CNTN5: variants seen among roughly 807,000 people sequenced by gnomAD.
The protein encoded by CNTN5 is contactin 5.
In CNTN5, 77 loss-of-function variants were observed where a neutral mutation model predicts 129.1. The ratio of observed to expected loss-of-function variants is 0.60; its 90% CI spans 0.50 to 0.72. The LOEUF (loss-of-function observed/expected upper bound fraction) is 0.72, where lower values mean the gene tolerates loss of function less well. Ranked by LOEUF, CNTN5 falls within the 30% of genes least tolerant of loss-of-function variation. CNTN5 has a pLI of 0.00. For synonymous variants in CNTN5, 509 were observed against 465.6 expected (o/e 1.09, Z -1.20); for missense variants, 1,478 against 1,328.8 (o/e 1.11, Z -1.75).
At chr11:99,784,775 G>A (rs909192935) in intron 3 of CNTN5, among the ~76,000 whole-genome samples, 3 of 146,442 alleles carry the variant, frequency 2.0e-5, no homozygotes, top group African/African-American at 7.5e-5. Flanking sequence ...TCTAACTGGT[G>A]TGAGATGGTA....
In CNTN5 at chr11:99,124,929, T is replaced by C. The variant is rs115337252; in HGVS notation, c.-210+103659T>C. ...AACTGAACCAGAAAGCAATCGAATGTCTTAACCAACCAGTAATGAGTTCCA... is the reference window on the plus strand; with the variant it reads ...AACTGAACCAGAAAGCAATCGAATGCCTTAACCAACCAGTAATGAGTTCCA... On this transcript the variant is annotated intron_variant, in intron 1 of 24. Coordinates refer to ENST00000524871, the MANE Select transcript of CNTN5 (RefSeq NM_014361.4). Among the ~76,000 whole-genome samples the C allele has an allele frequency of 8.5e-3, 1,287 of 152,076 alleles. 22 individuals carry two copies. Among genetic ancestry groups the C allele is most frequent in the African/African-American group, 0.029 (1,195 of 41,520 alleles).
At chr11:99,425,342 C>A (rs1359691674) in intron 2 of CNTN5, among the ~76,000 whole-genome samples, 1 of 152,214 alleles carries the variant, frequency 6.6e-6, no homozygotes, top group Non-Finnish European at 1.5e-5. Context: ...TCACTGAGGA[C>A]CCTCCGCTTT....
chr11:99,103,870 A>G (rs1366454837), intron 1 of CNTN5, among the ~76,000 whole-genome samples: 1 of 152,150 alleles, frequency 6.6e-6, no homozygotes, highest in Non-Finnish European at 1.5e-5. Flanking sequence ...CAAAAAATGC[A>G]TGAAGCCACC....
intron 17 of CNTN5, among the ~76,000 whole-genome samples, chr11:100,258,254 A>C (rs912998072): frequency 6.6e-6 from 1 of 152,192 alleles, no homozygotes; most frequent in East Asian, 1.9e-4. Flanking sequence ...AATGAAAAGG[A>C]ACAAACAAAG....
At chr11:99,175,510 T>C (rs1230546782) in intron 1 of CNTN5, among the ~76,000 whole-genome samples, 2 of 152,116 alleles carry the variant, frequency 1.3e-5, no homozygotes, top group Non-Finnish European at 2.9e-5. Flanking sequence ...TAGTTTTGTT[T>C]GATTAAAAAT....
chr11:99,402,891 A>T (rs556206136), intron 2 of CNTN5, among the ~76,000 whole-genome samples: 1 of 152,044 alleles, frequency 6.6e-6, no homozygotes, highest in South Asian at 2.1e-4. Flanking sequence ...GATCCTTTGA[A>T]TTCCTGTGGT....
chr11:99,745,701 G>A (rs768054551), intron 3 of CNTN5, among the ~76,000 whole-genome samples: 4 of 150,450 alleles, frequency 2.7e-5, no homozygotes, highest in Non-Finnish European at 5.9e-5. Context: ...GCCAACCTTA[G>A]TTAAGCCTTG....
At chr11:99,966,175 T>C (rs1038874754) in intron 8 of CNTN5, among the ~76,000 whole-genome samples, 3 of 152,146 alleles carry the variant, frequency 2.0e-5, no homozygotes, top group African/African-American at 7.2e-5. Flanking sequence ...TCTGAAAAAA[T>C]GTAGACCTTT....
chr11:99,287,639 T>A (rs1863993792), intron 1 of CNTN5, among the ~76,000 whole-genome samples: 1 of 152,076 alleles, frequency 6.6e-6, no homozygotes, highest in East Asian at 1.9e-4. Flanking sequence ...TATGAGGAAT[T>A]TAGTAGTTGA....
intron 3 of CNTN5, among the ~76,000 whole-genome samples, chr11:99,771,056 CTT>C (rs778204508): frequency 6.6e-6 from 1 of 152,026 alleles, no homozygotes; most frequent in Non-Finnish European, 1.5e-5. Context: ...AGGATAAACT[CTT>C]TAGTAAATGG....
At chr11:99,568,033 C>A (rs1454662695) in intron 3 of CNTN5, among the ~76,000 whole-genome samples, 1 of 152,228 alleles carries the variant, frequency 6.6e-6, no homozygotes, top group South Asian at 2.1e-4. Flanking sequence ...AAATTTGTGT[C>A]TCAGTGTATT....
At chr11:99,711,106 C>T (rs1339063295) in intron 3 of CNTN5, among the ~76,000 whole-genome samples, 3 of 151,830 alleles carry the variant, frequency 2.0e-5, no homozygotes, top group Non-Finnish European at 4.4e-5. Flanking sequence ...CCGACAGAAT[C>T]GTTTCAAAAC....
At chr11:99,186,509 A>G (rs1858359225) in intron 1 of CNTN5, among the ~76,000 whole-genome samples, 3 of 152,158 alleles carry the variant, frequency 2.0e-5, no homozygotes, top group Middle Eastern at 6.8e-3. Flanking sequence ...TGCCTGCAGC[A>G]TCTAGATTTC....
intron 8 of CNTN5, among the ~76,000 whole-genome samples, chr11:99,967,035 C>T (rs1240419498): frequency 2.6e-5 from 4 of 152,084 alleles, no homozygotes; most frequent in Non-Finnish European, 5.9e-5. Context: ...TAAGAGAATG[C>T]TTCCTGGAAG....
At chr11:99,294,100 A>C (rs1022572911) in intron 1 of CNTN5, among the ~76,000 whole-genome samples, 1 of 151,986 alleles carries the variant, frequency 6.6e-6, no homozygotes, top group African/African-American at 2.4e-5. Flanking sequence ...AGATTTGGGA[A>C]TGTTGTGTTT....
intron 2 of CNTN5, among the ~76,000 whole-genome samples, chr11:99,425,739 T>C (rs776316368): frequency 1.3e-5 from 2 of 152,218 alleles, no homozygotes; most frequent in Non-Finnish European, 2.9e-5. Flanking sequence ...TCTGCAGCCA[T>C]GGCTGGGTGG....
chr11:99,166,958 G>A (rs1274294115), intron 1 of CNTN5, among the ~76,000 whole-genome samples: 1 of 152,000 alleles, frequency 6.6e-6, no homozygotes, highest in Admixed American at 6.6e-5. Context: ...CTACATTTTT[G>A]TAAAGCGCAA....
intron 3 of CNTN5, among the ~76,000 whole-genome samples, chr11:99,585,623 A>G (rs1949768786): frequency 6.6e-6 from 1 of 152,134 alleles, no homozygotes; most frequent in African/African-American, 2.4e-5. Context: ...GATATAACTC[A>G]CCTAAACAAA....
chr11:99,301,599 A>G (rs935889950), intron 1 of CNTN5, among the ~76,000 whole-genome samples: 25 of 151,868 alleles, frequency 1.6e-4, no homozygotes, highest in Non-Finnish European at 2.5e-4. Context: ...TGAAGCAAAA[A>G]CTGGAAGAAT....
Sources: gnomAD v4.1 joint callset for allele counts (sites outside exome capture counted in the v4.1 genomes callset) on GRCh38, gnomAD v4.1.1 for gene constraint, MANE v1.5 for transcripts, NCBI Gene and HGNC (gene_info 2026-07-23, HGNC 2026-07-21) for gene names.